Variants in UGT2B15 observed in about 807,000 individuals in gnomAD.
UGT2B15 encodes UDP glucuronosyltransferase family 2 member B15.
Under a neutral mutation model 45.9 loss-of-function variants are expected in UGT2B15, and 36 were observed. The observed-to-expected ratio is 0.78, with a 90% CI of 0.60 to 1.04. UGT2B15 has a LOEUF of 1.04. Ranked by LOEUF, UGT2B15 falls within the 50% of genes least tolerant of loss-of-function variation. UGT2B15 has a pLI of 0.00. For missense variants in UGT2B15, 617 were observed against 622.4 expected (o/e 0.99, Z 0.09); for synonymous variants, 219 against 216.4 (o/e 1.01, Z -0.11).
intron 3 of UGT2B15, among the ~76,000 whole-genome samples, chr4:68,661,418 A>G (rs1423994144): frequency 2.6e-5 from 4 of 152,018 alleles, no homozygotes; most frequent in South Asian, 2.1e-4. Context: ...AATATTTAAG[A>G]ATTGTTAAGC....
At chr4:68,661,440 T>C (rs1488836316) in intron 3 of UGT2B15, among the ~76,000 whole-genome samples, 1 of 152,008 alleles carries the variant, frequency 6.6e-6, no homozygotes, top group African/African-American at 2.4e-5. Context: ...GTCTTAATTC[T>C]AGTAATAAAA....
chr4:68,660,255 C>T (rs939523508), intron 3 of UGT2B15, among the ~76,000 whole-genome samples: 2 of 150,522 alleles, frequency 1.3e-5, no homozygotes, highest in Non-Finnish European at 3.0e-5. Flanking sequence ...AAACTGGCCT[C>T]ATACCTTCAT....
chr4:68,670,536 A>G lies in UGT2B15; in HGVS notation c.83T>C (p.Val28Ala), dbSNP rs1578202792. 1.9e-6 allele frequency: 3 copies of G among 1,610,566 alleles called. No homozygotes were observed. In the East Asian group the frequency reaches 6.7e-5, roughly 36 times the overall value. ...CCAATGGCTGTATTCTGTGGGCCACACTAGCACCTTTCCACAGCTTCCAGA... is the reference window on the plus strand; with the variant it reads ...CCAATGGCTGTATTCTGTGGGCCACGCTAGCACCTTTCCACAGCTTCCAGA... ...FSSGSCGKVL[V>A]WPTEYSHWIN... is the part of the protein sequence containing the mutation. Residue 28 changes from valine (V) to alanine (A), a missense_variant, in exon 1 of 6, where the codon GTG becomes GCG. By Grantham distance (64) the Val-to-Ala change is moderately conservative (BLOSUM62 0). This residue lies in a region of UGT2B15 where 351 missense variants were observed against 342.1 expected (regional missense o/e 1.03). Transcript: ENST00000338206.
chr4:68,660,143 C>CA (rs1426402629), intron 3 of UGT2B15, among the ~76,000 whole-genome samples: 1 of 151,386 alleles, frequency 6.6e-6, no homozygotes, highest in Non-Finnish European at 1.5e-5. Context: ...TAACAAAACA[C>CA]AATTGGAGAA....
At chr4:68,648,058 T>C (rs1188397604) in intron 5 of UGT2B15, among the ~76,000 whole-genome samples, 1 of 152,066 alleles carries the variant, frequency 6.6e-6, no homozygotes, top group Non-Finnish European at 1.5e-5. Flanking sequence ...GTGACACAAC[T>C]GGTGAAATGC....
At chr4:68,663,347 A>T (rs1234492700) in intron 2 of UGT2B15, among the ~76,000 whole-genome samples, 2 of 152,016 alleles carry the variant, frequency 1.3e-5, no homozygotes, top group African/African-American at 4.8e-5. Flanking sequence ...ATATGTGTGC[A>T]TATGCATGTA....
In UGT2B15 at chr4:68,658,673, T is replaced by C. The variant is rs368745345; in HGVS notation, c.1006-3491A>G. Among the ~76,000 whole-genome samples, 34 of 152,226 alleles carry C rather than the reference T, an allele frequency of 2.2e-4. 1 individual carries two copies. Among genetic ancestry groups the C allele is most frequent in the African/African-American group, 7.9e-4 (33 of 41,554 alleles). On this transcript the variant is annotated intron_variant, in intron 3 of 5. Coordinates refer to ENST00000338206, the MANE Select transcript of UGT2B15 (RefSeq NM_001076.4). ...TCTAACCCTGTGGCCTTAAGCAATC[T>C]AGTCCACAGGCAGTAAGGTTTGTTT...
chr4:68,647,700 ATCT>A (rs1476984980), intron 5 of UGT2B15, among the ~76,000 whole-genome samples: 2 of 151,940 alleles, frequency 1.3e-5, no homozygotes, highest in African/African-American at 4.8e-5. Flanking sequence ...TTTGAGAATG[ATCT>A]TTTTGATCTT....
At chr4:68,666,750 A>T (rs186121378) in intron 2 of UGT2B15, among the ~76,000 whole-genome samples, 11,847 of 120,012 alleles carry the variant, frequency 0.099, 1,245 homozygotes, top group East Asian at 0.43. Flanking sequence ...ATATATATAT[A>T]TATTTTTTTT....
At chr4:68,665,361 C>T (rs1180255913) in intron 2 of UGT2B15, among the ~76,000 whole-genome samples, 2 of 151,928 alleles carry the variant, frequency 1.3e-5, no homozygotes, top group African/African-American at 4.8e-5. Flanking sequence ...ATACCTGTAC[C>T]ACGGCTGACA....
chr4:68,654,900 G>C (rs1252482533), intron 4 of UGT2B15, among the ~76,000 whole-genome samples, 195 bp downstream of exon 4: 1 of 152,062 alleles, frequency 6.6e-6, no homozygotes, highest in African/African-American at 2.4e-5. Context: ...GAATGTGACT[G>C]TATGTAATAA....
chr4:68,667,441 G>T (rs1014724439), intron 2 of UGT2B15, among the ~76,000 whole-genome samples: 29 of 152,070 alleles, frequency 1.9e-4, no homozygotes, highest in African/African-American at 5.3e-4. Context: ...CTCCCAAAGT[G>T]CAGGGATTAT....
intron 2 of UGT2B15, among the ~76,000 whole-genome samples, chr4:68,666,814 T>G (rs1733139084): frequency 6.6e-6 from 1 of 150,546 alleles, no homozygotes; most frequent in South Asian, 2.1e-4. Flanking sequence ...TAGCGTGATC[T>G]CGGCTCTCTG....
At chr4:68,656,994 T>A (rs1732825608) in intron 3 of UGT2B15, among the ~76,000 whole-genome samples, 1 of 151,784 alleles carries the variant, frequency 6.6e-6, no homozygotes, top group Middle Eastern at 3.4e-3. Flanking sequence ...TTTTTCCTCC[T>A]AGGAAGTTGT....
chr4:68,661,516 A>G (rs1732966148), intron 3 of UGT2B15, among the ~76,000 whole-genome samples: 3 of 151,958 alleles, frequency 2.0e-5, no homozygotes, highest in Admixed American at 2.0e-4. Context: ...TAACCTTCCA[A>G]ATTTAATATA....
At chr4:68,655,694 C>G (rs1732783416) in intron 3 of UGT2B15, among the ~76,000 whole-genome samples, 1 of 152,022 alleles carries the variant, frequency 6.6e-6, no homozygotes, top group African/African-American at 2.4e-5. Flanking sequence ...TAGCTGTCTC[C>G]CATTTCTGGA....
chr4:68,670,540 G>T lies in UGT2B15; in HGVS notation c.79C>A (p.Leu27Ile). 1 of 1,609,772 alleles carries T rather than the reference G, an allele frequency of 6.2e-7. No individual in the cohort carries two copies. Among genetic ancestry groups the T allele is most frequent in the Non-Finnish European group, 8.5e-7 (1 of 1,179,186 alleles). ...TGGCTGTATTCTGTGGGCCACACTA[G>T]CACCTTTCCACAGCTTCCAGAGCTA... is the stretch of plus-strand genomic sequence containing the variant. ...YFSSGSCGKV[L>I]VWPTEYSHWI... The change falls in exon 1 of 6, where the codon CTA (leucine) becomes ATA (isoleucine). Residue 27 changes from leucine (L) to isoleucine (I), a missense_variant. Leu to Ile is a conservative substitution (Grantham distance 5). Transcript: ENST00000338206.
In UGT2B15 at chr4:68,670,227, G is replaced by A; in HGVS notation, c.392C>T (p.Ala131Val). The A allele has an allele frequency of 1.2e-6, 2 of 1,613,902 alleles. No homozygotes were observed. The highest frequency in any genetic ancestry group is 1.7e-5 in the Admixed American group (1 of 59,958). ...YDYSNKLCKD[A>V]VLNKKLMMKL... is the part of the protein sequence containing the mutation. ...CATCATAAGTTTCTTATTCAAAACT[G>A]CATCTTTACAGAGCTTGTTACTGTA... Residue 131 changes from alanine to valine, a missense_variant, in exon 1 of 6, where the codon GCA becomes GTA. Physicochemically the swap from Ala to Val is moderately conservative, Grantham distance 64 (BLOSUM62 0). This residue lies in a region of UGT2B15 where 351 missense variants were observed against 342.1 expected (regional missense o/e 1.03). Transcript: ENST00000338206.
In UGT2B15 at chr4:68,647,396, TATAAAG is replaced by T; in HGVS notation, c.1314-19_1314-14del. ...ATTCTCTTTATAGCTGAAGGATAAA[TATAAAG>T]ATATCAACATTAAAAGTAAATTTAT... On this transcript the variant is annotated splice_polypyrimidine_tract_variant and intron_variant, in intron 5 of 5. Coordinates refer to ENST00000338206, the MANE Select transcript of UGT2B15 (RefSeq NM_001076.4). 1 of 1,603,558 alleles carries T rather than the reference TATAAAG, an allele frequency of 6.2e-7. No homozygotes were observed.
Sources: allele counts gnomAD v4.1 joint callset (sites outside exome capture counted in the v4.1 genomes callset), GRCh38; gene constraint gnomAD v4.1.1; regional missense constraint gnomAD v4.1.1; transcripts MANE v1.5; gene names NCBI Gene and HGNC (gene_info 2026-07-23, HGNC 2026-07-21).